The following COPB1 variants were observed in gnomAD, a reference collection of about 807,000 sequenced individuals.
COPB1 encodes the protein coatomer subunit beta.
COPB1 carries 21 observed loss-of-function variants against 108.7 expected under a neutral mutation model. The ratio of observed to expected loss-of-function variants is 0.19; its 90% CI spans 0.14 to 0.28. The LOEUF (loss-of-function observed/expected upper bound fraction) is 0.28. Ranked by LOEUF, COPB1 falls within the 10% of genes least tolerant of loss-of-function variation. COPB1 has a pLI of 1.00. For missense variants in COPB1, 919 were observed against 1,141.3 expected (o/e 0.81, Z 2.81); for synonymous variants, 378 against 386.8 (o/e 0.98, Z 0.27).
chr11:14,465,079 AC>A (rs1423975211), intron 17 of COPB1, 49 bp from the exon 18 acceptor site: 4 of 1,450,700 alleles, frequency 2.8e-6, no homozygotes, highest in East Asian at 2.4e-5. Context: ...ACACACACAC[AC>A]ACACACACAC....
chr11:14,479,378 C>T (rs1370894313), intron 11 of COPB1, among the ~76,000 whole-genome samples, 191 bp downstream of exon 11: 1 of 152,112 alleles, frequency 6.6e-6, no homozygotes, highest in East Asian at 1.9e-4. Flanking sequence ...TAAATCACTC[C>T]TAAAAAAATT....
rs766145525 is a variant in COPB1, at chr11:14,457,781, T to C, written c.*43A>G. The C allele has an allele frequency of 4.6e-5, 58 of 1,253,112 alleles. 2 individuals are homozygous for C. The South Asian group carries it at 5.4e-4, about 12-fold the overall frequency. 77.6% of individuals were successfully genotyped at this position (1,253,112 alleles called of 1,614,324 possible). Reference sequence around the variant, plus strand: ...AAGATGTTGGAGTCCAGTAAGCCCATACCTAAATTAACTGTAAAGCTTCAA... The same window carrying C: ...AAGATGTTGGAGTCCAGTAAGCCCACACCTAAATTAACTGTAAAGCTTCAA... On this transcript the variant is annotated 3_prime_UTR_variant, in exon 22 of 22. Coordinates refer to ENST00000439561, the MANE Select transcript of COPB1 (RefSeq NM_001144061.2).
rs892624517 is a variant in COPB1 at position 14,464,771 on chromosome 11, C to A, written c.2410+140G>T. The A allele has an allele frequency of 3.8e-5, 34 of 896,844 alleles. No homozygotes were observed. The East Asian group carries it at 8.2e-4, about 22-fold the overall frequency. 55.6% of individuals were successfully genotyped at this position (896,844 alleles called of 1,614,324 possible). On this transcript the variant is annotated intron_variant, in intron 18 of 21. Transcript: ENST00000439561. ...TGTACATCCAGAACATAGTTCAATG[C>A]GTGGTACCATAGAGAGTATCTCATA... is the stretch of plus-strand genomic sequence containing the variant.
In COPB1 at chr11:14,460,270, A is replaced by C; in HGVS notation, c.2584T>G (p.Leu862Val). Reference protein sequence around the residue: ...KVTVNTNMVDLNDYLQHILKS... With the variant: ...KVTVNTNMVDVNDYLQHILKS... The stretch of plus-strand genomic sequence containing the variant: ...AATATGTGCTGTAAGTAGTCATTTA[A>C]ATCAACCATGTTGGTGTTAACTGTC... The change falls in exon 20 of 22, where the codon TTA becomes GTA. Residue 862 changes from leucine to valine, a missense_variant. Physicochemically the swap from Leu to Val is conservative, Grantham distance 32. Around this residue, in one of 5 missense-constraint regions of COPB1, gnomAD observed 705 missense variants for 817.8 expected, o/e 0.86. Coordinates refer to ENST00000439561, the MANE Select transcript of COPB1 (RefSeq NM_001144061.2). The C allele has an allele frequency of 6.2e-7, 1 of 1,611,364 alleles. No individual in the cohort carries two copies. The highest frequency in any genetic ancestry group is 8.5e-7 in the Non-Finnish European group (1 of 1,178,474).
chr11:14,476,013 T>G, intron 12 of COPB1, 68 bp from the exon 13 acceptor site: 1 of 1,373,634 alleles, frequency 7.3e-7, no homozygotes, highest in East Asian at 2.4e-5. Context: ...CTTTAAATAT[T>G]TGATTGTTTC....
chr11:14,475,718 A>C (rs1414816382), intron 13 of COPB1, 67 bp downstream of exon 13: 2 of 1,342,282 alleles, frequency 1.5e-6, no homozygotes, highest in Non-Finnish European at 1.9e-6. Flanking sequence ...AAATCATTTG[A>C]CTGTCTTACA....
At chr11:14,460,176 T>C (rs1156696344) in intron 20 of COPB1, 32 bp downstream of exon 20, 6 of 1,396,774 alleles carry the variant, frequency 4.3e-6, no homozygotes, top group Non-Finnish European at 5.1e-6. Flanking sequence ...TACCATTCCA[T>C]CAGATTTCTG....
intron 7 of COPB1, 94 bp downstream of exon 7, chr11:14,486,273 T>C (rs1040648509): frequency 2.1e-5 from 29 of 1,411,838 alleles, no homozygotes; most frequent in Non-Finnish European, 2.8e-5. Flanking sequence ...CTCTGTGCCA[T>C]GTAACCACAT....
chr11:14,458,017 T>G, intron 21 of COPB1, 134 bp from the exon 22 acceptor site: 1 of 453,674 alleles, frequency 2.2e-6, no homozygotes, highest in East Asian at 3.9e-5. Flanking sequence ...CCAAACAGAC[T>G]TACCAAACTT....
chr11:14,496,023 A>G (rs1333451590), intron 2 of COPB1, among the ~76,000 whole-genome samples: 1 of 152,210 alleles, frequency 6.6e-6, no homozygotes, highest in African/African-American at 2.4e-5. Context: ...ATAGAAACCT[A>G]GTATTAAGTA....
At chr11:14,479,304 T>A (rs1180673729) in intron 11 of COPB1, among the ~76,000 whole-genome samples, 1 of 152,196 alleles carries the variant, frequency 6.6e-6, no homozygotes, top group East Asian at 1.9e-4. Flanking sequence ...CATTTAAAAA[T>A]ATGCTCTTTA....
chr11:14,488,746 T>TA lies in COPB1; in HGVS notation c.607-163dup, dbSNP rs1292876160. On this transcript the variant is annotated intron_variant, in intron 5 of 21. Transcript: ENST00000439561. ...AAAAATCAAGAATAAAATTAACATA[T>TA]AAAATATAAGACATAAAGTTAAATA... Among the ~76,000 whole-genome samples the TA allele has an allele frequency of 2.6e-5, 4 of 152,030 alleles. No individual in the cohort carries two copies. In the East Asian group the frequency reaches 7.7e-4, roughly 29 times the overall value.
At chr11:14,477,356 C>T (rs1246007819) in intron 11 of COPB1, among the ~76,000 whole-genome samples, 1 of 121,054 alleles carries the variant, frequency 8.3e-6, no homozygotes, top group Non-Finnish European at 1.6e-5. Flanking sequence ...CGCCACTGCA[C>T]TCCAGGCTGG....
chr11:14,490,655 A>G lies in COPB1; in HGVS notation c.516T>C (p.Asp172=), dbSNP rs984437974. Residue 172 remains aspartate (D), a synonymous_variant, in exon 5 of 22, where the codon GAT becomes GAC. Coordinates refer to ENST00000439561, the MANE Select transcript of COPB1 (RefSeq NM_001144061.2). The part of the protein sequence containing the change: ...IYRNFEHLIP[D]APELIHDFLV... Reference sequence around the variant, plus strand: ...GAAAATCATGTATCAGTTCAGGAGCATCAGGTATAAGATGTTCAAAATTTC... The same window carrying G: ...GAAAATCATGTATCAGTTCAGGAGCGTCAGGTATAAGATGTTCAAAATTTC... The G allele has an allele frequency of 2.9e-5, 46 of 1,611,174 alleles. 1 individual carries two copies. The highest frequency in any genetic ancestry group is 2.7e-5 in the African/African-American group (2 of 74,810).
intron 20 of COPB1, chr11:14,459,986 A>C: frequency 7.6e-6 from 3 of 395,080 alleles, no homozygotes; most frequent in Non-Finnish European, 1.3e-5. Flanking sequence ...AAAAAAATTA[A>C]TCTGACTATT....
chr11:14,477,400 A>AAAAAAAAAAAAAAAAAAAAAAAAAAAG (rs1850549925), intron 11 of COPB1, among the ~76,000 whole-genome samples: 1 of 142,844 alleles, frequency 7.0e-6, no homozygotes, highest in Non-Finnish European at 1.5e-5. Context: ...AAAAAAAAAA[A>AAAAAAAAAAAAAAAAAAAAAAAAAAAG]AAAAACAAGG....
intron 10 of COPB1, among the ~76,000 whole-genome samples, chr11:14,479,974 T>C (rs1353970155): frequency 6.6e-6 from 1 of 152,188 alleles, no homozygotes; most frequent in East Asian, 1.9e-4. Flanking sequence ...CTAGCTAATA[T>C]TAATTTTTTT....
chr11:14,491,172 G>C (rs1011901566), intron 4 of COPB1, among the ~76,000 whole-genome samples: 1 of 152,026 alleles, frequency 6.6e-6, no homozygotes, highest in Non-Finnish European at 1.5e-5. Context: ...AGCCTCCTGA[G>C]TATCTGGGAC....
intron 15 of COPB1, 32 bp downstream of exon 15, chr11:14,469,304 A>G (rs766814633): frequency 2.0e-5 from 31 of 1,571,536 alleles, no homozygotes; most frequent in African/African-American, 2.7e-5. Flanking sequence ...GAGACACAAA[A>G]CACTTTTGTT....
Sources: gnomAD v4.1 joint callset for allele counts (sites outside exome capture counted in the v4.1 genomes callset) on GRCh38, gnomAD v4.1.1 for gene constraint, gnomAD v4.1.1 regional missense constraint, MANE v1.5 for transcripts, NCBI Gene and HGNC (gene_info 2026-07-23, HGNC 2026-07-21) for gene names.